The following AHCTF1 variants were observed in gnomAD, a reference collection of about 807,000 sequenced individuals.
The protein encoded by AHCTF1 is protein ELYS.
In AHCTF1, 24 loss-of-function variants were observed where a neutral mutation model predicts 248.4. That is an observed-to-expected ratio of 0.10 (90% CI 0.07 to 0.14). AHCTF1 has a LOEUF of 0.14. Ranked by LOEUF, AHCTF1 falls within the 10% of genes least tolerant of loss-of-function variation. The pLI, the probability that AHCTF1 is intolerant of heterozygous loss-of-function variation, is 1.00. For synonymous variants in AHCTF1, 786 were observed against 929.8 expected (o/e 0.85, Z 2.81); for missense variants, 2,206 against 2,636.2 (o/e 0.84, Z 3.57).
At chr1:246,927,140 T>C (rs1227792651) in intron 1 of AHCTF1, among the ~76,000 whole-genome samples, 1 of 150,698 alleles carries the variant, frequency 6.6e-6, no homozygotes, top group African/African-American at 2.4e-5. Context: ...ATCGTGCCAC[T>C]GCACTCCAGC....
chr1:246,847,965 A>T (rs886236404), intron 33 of AHCTF1, among the ~76,000 whole-genome samples: 3 of 152,070 alleles, frequency 2.0e-5, no homozygotes, highest in Admixed American at 6.5e-5. Context: ...AAATGAACTT[A>T]AAAAAAGTTG....
At chr1:246,881,331 C>T (rs1008960179) in intron 21 of AHCTF1, among the ~76,000 whole-genome samples, 5 of 152,118 alleles carry the variant, frequency 3.3e-5, no homozygotes, top group African/African-American at 1.2e-4. Flanking sequence ...ACTGAGACAT[C>T]CACCATTAGC....
Position 246,877,076 on chromosome 1 carries a change from A to C in AHCTF1, c.2811T>G (p.Cys937Trp). 6.2e-7 allele frequency: 1 copy of C among 1,612,244 alleles called. No individual in the cohort carries two copies. Among genetic ancestry groups the C allele is most frequent in the Non-Finnish European group, 8.5e-7 (1 of 1,179,964 alleles). The change falls in exon 23 of 36, where the codon TGT becomes TGG. Residue 937 changes from cysteine to tryptophan, a missense_variant. Cys to Trp is a radical substitution (Grantham distance 215, BLOSUM62 -2). Coordinates refer to ENST00000648844, the MANE Select transcript of AHCTF1 (RefSeq NM_001323342.2). ...KLPFTDTEQE[C>W]LVKFLQSSAS... is the part of the protein sequence containing the mutation. ...CACTGGACTGCAAAAATTTCACTAAACATTCCTAAAAAGAACAAAATAGAT... is the reference window on the plus strand; with the variant it reads ...CACTGGACTGCAAAAATTTCACTAACCATTCCTAAAAAGAACAAAATAGAT...
chr1:246,900,832 A>G (rs1199011589), intron 8 of AHCTF1, among the ~76,000 whole-genome samples: 2 of 152,210 alleles, frequency 1.3e-5, no homozygotes, highest in African/African-American at 4.8e-5. Flanking sequence ...TTAATTCACT[A>G]CCTAAAACGG....
chr1:246,911,917 T>C (rs1473902237), intron 4 of AHCTF1, among the ~76,000 whole-genome samples: 1 of 152,112 alleles, frequency 6.6e-6, no homozygotes. Flanking sequence ...AGTATAGTTT[T>C]TATCACTTGC....
chr1:246,900,710 T>C (rs1490264076), intron 8 of AHCTF1, among the ~76,000 whole-genome samples: 2 of 152,256 alleles, frequency 1.3e-5, no homozygotes, highest in Non-Finnish European at 2.9e-5. Flanking sequence ...ATATCCTTGC[T>C]TGTTTTCAGT....
intron 33 of AHCTF1, among the ~76,000 whole-genome samples, chr1:246,845,870 C>G (rs963499116): frequency 1.3e-5 from 2 of 151,998 alleles, no homozygotes; most frequent in Non-Finnish European, 1.5e-5. Flanking sequence ...CCTCCTGTGG[C>G]CAATGCAAAC....
intron 24 of AHCTF1, among the ~76,000 whole-genome samples, chr1:246,869,012 C>T (rs113072253): frequency 0.097 from 14,649 of 150,490 alleles, 857 homozygotes; most frequent in African/African-American, 0.15. Context: ...GCCTGGCTAA[C>T]TTTTTCTATT....
Position 246,892,301 on chromosome 1 carries a change from C to CTTTTTTT in AHCTF1, c.1805-389_1805-383dup, listed in dbSNP as rs74163502. 5.1e-4 allele frequency among the ~76,000 whole-genome samples: 33 copies of CTTTTTTT among 64,966 alleles called. 2 individuals are homozygous for CTTTTTTT. Among genetic ancestry groups the CTTTTTTT allele is most frequent in the African/African-American group, 1.1e-3 (17 of 15,942 alleles). 42.6% of individuals were successfully genotyped at this position (64,966 alleles called of 152,430 possible). A position where few individuals can be genotyped will look rare whatever the true frequency, so the allele number is the denominator to read the frequency against. ...TTAAATCAAATTCTAATTTGTTTTA[C>CTTTTTTT]TTTTTTTTTTTTTTTTTTTTTTTTT... On this transcript the variant is annotated intron_variant, in intron 14 of 35. Coordinates refer to ENST00000648844, the MANE Select transcript of AHCTF1 (RefSeq NM_001323342.2).
chr1:246,890,006 AGTT>A lies in AHCTF1; in HGVS notation c.2101_2103del (p.Asn701del). The A allele has an allele frequency of 6.2e-7, 1 of 1,612,890 alleles. No homozygotes were observed. Among genetic ancestry groups the A allele is most frequent in the Non-Finnish European group, 8.5e-7 (1 of 1,179,504 alleles). ...AACTTCTGTCGACGACTGGTGTAGT[AGTT>A]CTGAATTACAGGGTAGTTGTAGCAT... On this transcript the variant is annotated inframe_deletion, in exon 17 of 36. Transcript: ENST00000648844.
At chr1:246,856,287 AAAAT>A (rs1237837367) in intron 30 of AHCTF1, among the ~76,000 whole-genome samples, 3 of 152,234 alleles carry the variant, frequency 2.0e-5, no homozygotes, top group Middle Eastern at 3.2e-3. Context: ...AATCCACATG[AAAAT>A]AAATCCTGGA....
Position 246,913,307 on chromosome 1 carries a change from C to A in AHCTF1, c.481G>T (p.Asp161Tyr). ...TCAACAAGAAGGATCTGTCCAACAT[C>A]AGTGACCACAGCTGCCACTCCAAAA... The part of the protein sequence containing the change: ...WLFGVAAVVT[D>Y]VGQILLVDLC... Residue 161 changes from aspartate (D) to tyrosine (Y), a missense_variant, in exon 4 of 36, where the codon GAT (aspartate) becomes TAT (tyrosine). Physicochemically the swap from Asp to Tyr is radical, Grantham distance 160. Coordinates refer to ENST00000648844, the MANE Select transcript of AHCTF1 (RefSeq NM_001323342.2). The A allele has an allele frequency of 6.2e-7, 1 of 1,613,996 alleles. No homozygotes were observed. The highest frequency in any genetic ancestry group is 8.5e-7 in the Non-Finnish European group (1 of 1,179,908).
At chr1:246,860,088 C>T (rs1168963713) in intron 29 of AHCTF1, among the ~76,000 whole-genome samples, 2 of 151,792 alleles carry the variant, frequency 1.3e-5, no homozygotes, top group South Asian at 2.1e-4. Flanking sequence ...GGTGAAACCC[C>T]GTCTCTACTA....
At chr1:246,867,553 A>T in intron 25 of AHCTF1, 108 bp downstream of exon 25, 1 of 1,387,468 alleles carries the variant, frequency 7.2e-7, no homozygotes, top group Non-Finnish European at 9.9e-7. Context: ...TTTCTTTTTT[A>T]CATACACTAA....
chr1:246,872,936 A>C (rs1662701242), intron 24 of AHCTF1, among the ~76,000 whole-genome samples: 1 of 152,072 alleles, frequency 6.6e-6, no homozygotes, highest in Non-Finnish European at 1.5e-5. Flanking sequence ...TCACCTTAAG[A>C]CTCAAAAATC....
At chr1:246,884,141 T>C (rs1663648025) in intron 21 of AHCTF1, among the ~76,000 whole-genome samples, 1 of 152,220 alleles carries the variant, frequency 6.6e-6, no homozygotes, top group Admixed American at 6.5e-5. Flanking sequence ...AGTTACCACA[T>C]TTAGCTTCTT....
At position 246,862,028 on chromosome 1, in the gene AHCTF1, A is replaced by G. The variant is rs1443500888; in HGVS notation, c.3666T>C (p.Ser1222=). 6.2e-7 allele frequency: 1 copy of G among 1,613,538 alleles called. No individual in the cohort carries two copies. Among genetic ancestry groups the G allele is most frequent in the Admixed American group, 1.7e-5 (1 of 59,968 alleles). The change falls in exon 28 of 36, where the codon TCT becomes TCC. Residue 1222 remains serine, a synonymous_variant. Transcript: ENST00000648844. ...TTCTAGTTTCTTTAAGTCGTTGAGG[A>G]GACCTTCCAGGTGATGGAGAGGGAG... ...LASPSPSPGR[S]PQRLKETRIS...
intron 8 of AHCTF1, 44 bp from the exon 9 acceptor site, chr1:246,900,513 A>T (rs550016016): frequency 1.3e-6 from 2 of 1,556,520 alleles, no homozygotes; most frequent in African/African-American, 1.4e-5. Context: ...AAAGAATCTC[A>T]AAGTAAAATC....
At chr1:246,919,795 C>T (rs1666396303) in intron 1 of AHCTF1, among the ~76,000 whole-genome samples, 1 of 151,562 alleles carries the variant, frequency 6.6e-6, no homozygotes, top group Non-Finnish European at 1.5e-5. Flanking sequence ...ACCACATATC[C>T]TCTGGAATCT....
Sources: allele counts gnomAD v4.1 joint callset (sites outside exome capture counted in the v4.1 genomes callset), GRCh38; gene constraint gnomAD v4.1.1; transcripts MANE v1.5; gene names NCBI Gene and HGNC (gene_info 2026-07-23, HGNC 2026-07-21).